The following SLC35F3 variants were observed in gnomAD, a reference collection of about 807,000 sequenced individuals.
SLC35F3 encodes the protein putative thiamine transporter SLC35F3.
Under a neutral mutation model 49.9 loss-of-function variants are expected in SLC35F3, and 25 were observed. That is an observed-to-expected ratio of 0.50 (90% confidence interval 0.37 to 0.70). SLC35F3 has a LOEUF of 0.70. Ranked by LOEUF, SLC35F3 falls within the 30% of genes least tolerant of loss-of-function variation. The pLI is 0.00. For synonymous variants in SLC35F3, 275 were observed against 265.4 expected (o/e 1.04, Z -0.35); for missense variants, 525 against 639.8 (o/e 0.82, Z 1.94).
At chr1:234,215,760 C>T (rs1667112391) in intron 2 of SLC35F3, among the ~76,000 whole-genome samples, 1 of 152,186 alleles carries the variant, frequency 6.6e-6, no homozygotes, top group African/African-American at 2.4e-5. Context: ...CTTAGCTGTC[C>T]ACACAGGCCT....
chr1:234,278,290 G>A (rs1372978705), intron 3 of SLC35F3, among the ~76,000 whole-genome samples: 18 of 151,890 alleles, frequency 1.2e-4, no homozygotes, highest in Non-Finnish European at 4.4e-5. Context: ...AGGATTTTGA[G>A]ACCAGCCTGG....
At chr1:234,188,292 T>G (rs1572087100) in intron 2 of SLC35F3, among the ~76,000 whole-genome samples, 1 of 150,508 alleles carries the variant, frequency 6.6e-6, no homozygotes, top group Non-Finnish European at 1.5e-5. Flanking sequence ...GGTAGCCTGG[T>G]GCAAGTTCTG....
At chr1:234,241,866 C>T (rs1377708067) in intron 3 of SLC35F3, among the ~76,000 whole-genome samples, 1 of 152,102 alleles carries the variant, frequency 6.6e-6, no homozygotes, top group African/African-American at 2.4e-5. Flanking sequence ...GTCACTGGTA[C>T]CCCTGCTGCT....
chr1:234,022,979 G>A (rs549076207), intron 2 of SLC35F3, among the ~76,000 whole-genome samples: 5 of 152,338 alleles, frequency 3.3e-5, no homozygotes, highest in African/African-American at 1.2e-4. Flanking sequence ...CAGCAGTACA[G>A]TAAGGGGCTG....
At chr1:234,196,152 A>G (rs1365623095) in intron 2 of SLC35F3, among the ~76,000 whole-genome samples, 1 of 152,198 alleles carries the variant, frequency 6.6e-6, no homozygotes, top group Non-Finnish European at 1.5e-5. Context: ...CACGCCCACC[A>G]GTGTGTCATG....
At chr1:233,980,253 C>T (rs938780256) in intron 2 of SLC35F3, among the ~76,000 whole-genome samples, 2 of 152,196 alleles carry the variant, frequency 1.3e-5, no homozygotes, top group Admixed American at 1.3e-4. Flanking sequence ...ATATACCAGA[C>T]CCTGTGTTAG....
At position 234,280,517 on chromosome 1, in the gene SLC35F3, T is replaced by C. The variant is rs554527132; in HGVS notation, c.609-28584T>C. ...TGACCAGGAAGTCTCAGCACAATAT[T>C]GAGCTTGACAGCCTTCAGAATGGAG... On this transcript the variant is annotated intron_variant, in intron 3 of 7. Coordinates refer to ENST00000366618, the MANE Select transcript of SLC35F3 (RefSeq NM_173508.4). 4.6e-5 allele frequency among the ~76,000 whole-genome samples: 7 copies of C among 152,298 alleles called. No individual in the cohort carries two copies. The South Asian group carries it at 1.2e-3, about 27-fold the overall frequency.
At chr1:233,920,589 C>G (rs764504140) in intron 2 of SLC35F3, among the ~76,000 whole-genome samples, 76 of 152,238 alleles carry the variant, frequency 5.0e-4, no homozygotes, top group Non-Finnish European at 9.1e-4. Flanking sequence ...TGTTCATACC[C>G]TTGAATAATC....
rs149502852 is a variant in SLC35F3 at position 234,112,207 on chromosome 1, C to T, written c.284-119210C>T. ...AAAATAAAAAAGAAAATAAAGGAGCCAGGCATGGTGGTGCATGCCTGTGAC... is the reference window on the plus strand; with the variant it reads ...AAAATAAAAAAGAAAATAAAGGAGCTAGGCATGGTGGTGCATGCCTGTGAC... On this transcript the variant is annotated intron_variant, in intron 2 of 7. Transcript: ENST00000366618. Among the ~76,000 whole-genome samples, 89 of 151,736 alleles carry T rather than the reference C, an allele frequency of 5.9e-4. No homozygotes were observed. The East Asian group carries it at 0.014, about 24-fold the overall frequency.
At chr1:234,224,636 C>T (rs1667259030) in intron 2 of SLC35F3, among the ~76,000 whole-genome samples, 1 of 152,200 alleles carries the variant, frequency 6.6e-6, no homozygotes, top group Admixed American at 6.5e-5. Context: ...GGTCAACTTT[C>T]AAAGGGGAGA....
chr1:234,141,291 G>A (rs947374956), intron 2 of SLC35F3, among the ~76,000 whole-genome samples: 1 of 152,056 alleles, frequency 6.6e-6, no homozygotes, highest in African/African-American at 2.4e-5. Flanking sequence ...GTTCAGTATG[G>A]CTCCAGCTCT....
rs140819666 is a variant in SLC35F3, at chr1:234,243,591, A to G, written c.608+11850A>G. ...TTTGCAGAATCCTTTTAGAGGATGT[A>G]GGAGGTGTAATAGATCTTCTCTAAA... is the stretch of plus-strand genomic sequence containing the variant. On this transcript the variant is annotated intron_variant, in intron 3 of 7. Transcript: ENST00000366618. 4.2e-3 allele frequency among the ~76,000 whole-genome samples: 647 copies of G among 152,338 alleles called. 2 individuals carry two copies. The highest frequency in any genetic ancestry group is 0.015 in the African/African-American group (607 of 41,568).
chr1:234,245,578 A>G (rs1667618144), intron 3 of SLC35F3, among the ~76,000 whole-genome samples: 1 of 151,958 alleles, frequency 6.6e-6, no homozygotes, highest in South Asian at 2.1e-4. Context: ...CCTTAATGGC[A>G]TTAACAACTC....
intron 2 of SLC35F3, among the ~76,000 whole-genome samples, chr1:233,906,285 A>G (rs1184900430): frequency 2.0e-5 from 3 of 152,118 alleles, no homozygotes. Flanking sequence ...ATCGGTCTTC[A>G]GTAAGGAGGT....
At chr1:234,279,524 A>G (rs1296862889) in intron 3 of SLC35F3, among the ~76,000 whole-genome samples, 1 of 152,214 alleles carries the variant, frequency 6.6e-6, no homozygotes, top group African/African-American at 2.4e-5. Context: ...AGTGAGGGAC[A>G]GAGAGCCAGG....
intron 2 of SLC35F3, among the ~76,000 whole-genome samples, chr1:234,124,664 C>G (rs1665621766): frequency 6.6e-6 from 1 of 152,046 alleles, no homozygotes; most frequent in Admixed American, 6.5e-5. Flanking sequence ...GCCAGGAGTT[C>G]AGGATCAGCC....
chr1:233,984,541 C>T (rs1252278931), intron 2 of SLC35F3, among the ~76,000 whole-genome samples: 3 of 152,182 alleles, frequency 2.0e-5, no homozygotes, highest in Admixed American at 1.3e-4. Flanking sequence ...CCTGAAAGAG[C>T]GGAATGACTT....
chr1:234,140,123 A>T (rs1461341263), intron 2 of SLC35F3, among the ~76,000 whole-genome samples: 1 of 152,018 alleles, frequency 6.6e-6, no homozygotes, highest in Non-Finnish European at 1.5e-5. Context: ...CAAAGGGGTG[A>T]TTCACATCCT....
intron 3 of SLC35F3, among the ~76,000 whole-genome samples, chr1:234,267,701 G>T (rs1317106095): frequency 6.6e-6 from 1 of 151,156 alleles, no homozygotes; most frequent in East Asian, 2.0e-4. Flanking sequence ...TTCCCAGACG[G>T]GGTGGCTGCC....
Sources: gnomAD v4.1 joint callset for allele counts (sites outside exome capture counted in the v4.1 genomes callset) on GRCh38, gnomAD v4.1.1 for gene constraint, MANE v1.5 for transcripts, NCBI Gene and HGNC (gene_info 2026-07-23, HGNC 2026-07-21) for gene names.